Variants in PDE2A observed in about 807,000 individuals in gnomAD.
PDE2A encodes the protein cGMP-dependent 3',5'-cyclic phosphodiesterase.
Under a neutral mutation model 133.6 loss-of-function variants are expected in PDE2A, and 53 were observed. The observed-to-expected ratio is 0.40, with a 90% CI of 0.32 to 0.50. The LOEUF is 0.50. PDE2A is among the 20% of genes least tolerant of loss of function. The probability of loss-of-function intolerance (pLI) is 0.73; values close to 1 mark genes in which losing one functional copy is unlikely to be tolerated. For synonymous variants in PDE2A, 491 were observed against 490.2 expected, an observed-to-expected ratio of 1.00 and a Z score of -0.02; for missense variants, 796 against 1,232.4, an observed-to-expected ratio of 0.65 and a Z score of 5.30.
At chr11:72,591,855 C>T (rs1352984289) in intron 6 of PDE2A, among the ~76,000 whole-genome samples, 3 of 152,222 alleles carry the variant, frequency 2.0e-5, no homozygotes, top group Non-Finnish European at 2.9e-5. Context: ...TAAATGGGTT[C>T]GTGAAGTGCT....
At chr11:72,673,500 T>C in intron 1 of PDE2A, among the ~76,000 whole-genome samples, 1 of 151,838 alleles carries the variant, frequency 6.6e-6, no homozygotes, top group South Asian at 2.1e-4. Context: ...TGCACCCCCC[T>C]GCACGTGGAC....
intron 12 of PDE2A, 45 bp downstream of exon 12, chr11:72,589,130 T>C (rs753681432): frequency 2.6e-6 from 4 of 1,524,838 alleles, no homozygotes; most frequent in Non-Finnish European, 3.6e-6. Context: ...GGGCTGGCAG[T>C]GGGGTCTCCT....
chr11:72,616,366 C>T (rs1404833216), intron 2 of PDE2A, among the ~76,000 whole-genome samples: 1 of 152,196 alleles, frequency 6.6e-6, no homozygotes, highest in East Asian at 1.9e-4. Flanking sequence ...CAATGCAGTG[C>T]CACCCTTTCC....
chr11:72,593,667 C>T (rs1427829042), intron 6 of PDE2A, among the ~76,000 whole-genome samples: 8 of 152,166 alleles, frequency 5.3e-5, no homozygotes. Context: ...GACTTATTAT[C>T]CCAGGATTAA....
At chr11:72,619,385 C>A (rs1039629920) in intron 2 of PDE2A, among the ~76,000 whole-genome samples, 4 of 152,160 alleles carry the variant, frequency 2.6e-5, no homozygotes, top group African/African-American at 9.7e-5. Context: ...TCCATAGTGG[C>A]GAGCCCCTAC....
intron 1 of PDE2A, among the ~76,000 whole-genome samples, chr11:72,648,939 C>G (rs903769041): frequency 6.6e-6 from 1 of 152,200 alleles, no homozygotes; most frequent in African/African-American, 2.4e-5. Flanking sequence ...CAGGTGGCCA[C>G]GCCTGCTTCT....
chr11:72,654,589 TCCCCTCATCA>T (rs1854840242), intron 1 of PDE2A, among the ~76,000 whole-genome samples: 1 of 151,550 alleles, frequency 6.6e-6, no homozygotes, highest in African/African-American at 2.4e-5. Flanking sequence ...CAGACATCTC[TCCCCTCATCA>T]GGATGGGTGA....
intron 1 of PDE2A, chr11:72,657,736 G>A (rs1854937688): frequency 2.2e-6 from 1 of 451,720 alleles, no homozygotes; most frequent in Non-Finnish European, 4.4e-6. Context: ...CTTGGATCTG[G>A]GGGAGGAGCA....
intron 25 of PDE2A, 93 bp downstream of exon 25, chr11:72,580,484 G>T: frequency 1.1e-6 from 1 of 937,856 alleles, no homozygotes; most frequent in South Asian, 1.4e-5. Flanking sequence ...TGTCTGGAGA[G>T]CATGGTTTGG....
chr11:72,607,260 C>A (rs1221016574), intron 3 of PDE2A, among the ~76,000 whole-genome samples: 1 of 152,190 alleles, frequency 6.6e-6, no homozygotes, highest in Admixed American at 6.5e-5. Context: ...TGTTGCAGAG[C>A]ATCTAGGCTG....
intron 4 of PDE2A, among the ~76,000 whole-genome samples, chr11:72,604,411 G>A (rs1355654439): frequency 6.6e-6 from 1 of 152,174 alleles, no homozygotes; most frequent in Non-Finnish European, 1.5e-5. Flanking sequence ...AAGGTATCAG[G>A]GGGCCAAGTG....
chr11:72,642,481 G>T, intron 1 of PDE2A, 155 bp from the exon 2 acceptor site: 1 of 654,068 alleles, frequency 1.5e-6, no homozygotes, highest in Non-Finnish European at 1.7e-6. Context: ...GCCCCGCCCC[G>T]GCCCGCCCCC....
At chr11:72,608,521 A>G in intron 3 of PDE2A, 141 bp downstream of exon 3, 1 of 587,286 alleles carries the variant, frequency 1.7e-6, no homozygotes, top group East Asian at 2.8e-5. Context: ...ACCCATCCAG[A>G]CCCTTCACTT....
Position 72,590,579 on chromosome 11 carries a change from G to A in PDE2A, c.551C>T (p.Thr184Ile). Residue 184 changes from threonine to isoleucine, a missense_variant and splice_region_variant, in exon 8 of 31, where the codon ACC becomes ATC. By Grantham distance (89) the Thr-to-Ile change is moderately conservative. This residue lies in a region of PDE2A where 417 missense variants were observed against 475.3 expected (regional missense o/e 0.88). Coordinates refer to ENST00000334456, the MANE Select transcript of PDE2A (RefSeq NM_002599.5). This position sits in a 1 kb window ranked among gnomAD's most constrained non-coding sequence, Gnocchi z 4.8. Reference protein sequence around the residue: ...EWSLQAVEKHTLVALRRVQVL... With the variant: ...EWSLQAVEKHILVALRRVQVL... ...CTGCACCCTCCGCAGGGCGACCAGG[G>A]TCTGGGGCAGGCCGAGCGGTTAGCG... The A allele has an allele frequency of 7.3e-7, 1 of 1,374,818 alleles. No individual in the cohort carries two copies. The highest frequency in any genetic ancestry group is 9.3e-7 in the Non-Finnish European group (1 of 1,069,934). The allele number at this position is 1,374,818 out of a possible 1,614,324, so 85.2% of individuals were successfully genotyped here. A position where few individuals can be genotyped will look rare whatever the true frequency, so the allele number is the denominator to read the frequency against.
At chr11:72,638,098 G>A (rs903407540) in intron 2 of PDE2A, among the ~76,000 whole-genome samples, 1 of 152,138 alleles carries the variant, frequency 6.6e-6, no homozygotes, top group Non-Finnish European at 1.5e-5. Flanking sequence ...CAGCACAGAG[G>A]CCAGCCAGAG....
Position 72,606,097 on chromosome 11 carries a change from C to A in PDE2A, c.235-871G>T, listed in dbSNP as rs60054234. On this transcript the variant is annotated intron_variant, in intron 3 of 30. Transcript: ENST00000334456. ...CTTTAATCCTCCCTCCCCAAGGGCC[C>A]AGAGCAGCTCTGGCCTCAGTTCCAG... Among the ~76,000 whole-genome samples the A allele has an allele frequency of 6.4e-3, 969 of 152,038 alleles. 6 individuals are homozygous for A. Among genetic ancestry groups the A allele is most frequent in the African/African-American group, 0.023 (935 of 41,454 alleles).
chr11:72,589,863 T>G lies in PDE2A; in HGVS notation c.831+44A>C, dbSNP rs777524602. 1.9e-6 allele frequency: 3 copies of G among 1,608,700 alleles called. No homozygotes were observed. The African/African-American group carries it at 4.0e-5, about 22-fold the overall frequency. On this transcript the variant is annotated intron_variant, in intron 10 of 30. Transcript: ENST00000334456. ...TTTCCCCCTCGGAGACCCGAGTTCCTCGCCCAGCCCCGCCCCCGCTCTACA... is the reference window on the plus strand; with the variant it reads ...TTTCCCCCTCGGAGACCCGAGTTCCGCGCCCAGCCCCGCCCCCGCTCTACA...
At chr11:72,627,289 A>T (rs1423910963) in intron 2 of PDE2A, among the ~76,000 whole-genome samples, 2 of 152,186 alleles carry the variant, frequency 1.3e-5, no homozygotes, top group East Asian at 3.8e-4. Context: ...GGAAGGATAC[A>T]CTACCCACAG....
chr11:72,626,604 G>GCTCGTATA (rs1163195987), intron 2 of PDE2A, among the ~76,000 whole-genome samples: 2 of 152,156 alleles, frequency 1.3e-5, no homozygotes, highest in Non-Finnish European at 1.5e-5. Context: ...GGTAAGCTAT[G>GCTCGTATA]CTCGTATACT....
Sources: gnomAD v4.1 joint callset for allele counts (sites outside exome capture counted in the v4.1 genomes callset) on GRCh38, gnomAD v4.1.1 for gene constraint, gnomAD v4.1.1 regional missense constraint, Gnocchi (gnomAD v3.1) non-coding constraint, MANE v1.5 for transcripts, NCBI Gene and HGNC (gene_info 2026-07-23, HGNC 2026-07-21) for gene names.